The following KIF1B variants were observed in gnomAD, a reference collection of about 807,000 sequenced individuals.
KIF1B encodes the protein kinesin-like protein KIF1B.
A neutral mutation model predicts 241.9 loss-of-function variants in KIF1B; 76 were observed. The ratio of observed to expected loss-of-function variants is 0.31; its 90% CI spans 0.26 to 0.38. The LOEUF (loss-of-function observed/expected upper bound fraction) is 0.38, where lower values mean the gene tolerates loss of function less well. Ranked by LOEUF, KIF1B falls within the 10% of genes least tolerant of loss-of-function variation. KIF1B has a pLI of 1.00. For synonymous variants in KIF1B, 750 were observed against 796.7 expected (o/e 0.94, Z 0.99); for missense variants, 1,622 against 2,271.4 (o/e 0.71, Z 5.81).
At chr1:10,298,646 C>A (rs1438496921) in intron 22 of KIF1B, among the ~76,000 whole-genome samples, 10 of 152,048 alleles carry the variant, frequency 6.6e-5, no homozygotes, top group Admixed American at 6.6e-4. Context: ...TAATGTAGTA[C>A]ATTCTAATAA....
At chr1:10,307,895 T>C in intron 22 of KIF1B, 1 of 1,049,404 alleles carries the variant, frequency 9.5e-7, no homozygotes, top group East Asian at 5.5e-5. Context: ...ATTTTCTTTA[T>C]TCCTGCTTCT....
intron 15 of KIF1B, among the ~76,000 whole-genome samples, chr1:10,288,519 C>T (rs1339584337): frequency 1.3e-5 from 2 of 152,148 alleles, no homozygotes; most frequent in African/African-American, 4.8e-5. Context: ...TAATGAGAGC[C>T]ATTTCAGGTG....
At chr1:10,249,159 A>G (rs1647306213) in intron 2 of KIF1B, among the ~76,000 whole-genome samples, 1 of 152,198 alleles carries the variant, frequency 6.6e-6, no homozygotes, top group African/African-American at 2.4e-5. Context: ...CTTGTGGGTG[A>G]AAATATGGTT....
intron 18 of KIF1B, 21 bp downstream of exon 18, chr1:10,295,186 G>T: frequency 6.9e-7 from 1 of 1,454,712 alleles, no homozygotes; most frequent in East Asian, 2.3e-5. Context: ...TTCCTGTTTT[G>T]GTCACTTCGT....
At chr1:10,295,619 GTGTCTGAA>G (rs1650221917) in intron 18 of KIF1B, 33 bp from the exon 19 acceptor site, 2 of 1,553,030 alleles carry the variant, frequency 1.3e-6, no homozygotes, top group African/African-American at 1.4e-5. Context: ...AGTGCTTTCT[GTGTCTGAA>G]TTTCCCTGGG....
At chr1:10,250,382 A>G (rs967193073) in intron 2 of KIF1B, among the ~76,000 whole-genome samples, 1 of 147,684 alleles carries the variant, frequency 6.8e-6, no homozygotes, top group Non-Finnish European at 1.5e-5. Flanking sequence ...TCTGTTGCCC[A>G]GGGTGGGGTG....
chr1:10,283,760 A>G (rs759822423), intron 15 of KIF1B, among the ~76,000 whole-genome samples: 1 of 152,254 alleles, frequency 6.6e-6, no homozygotes, highest in Non-Finnish European at 1.5e-5. Flanking sequence ...CAGGGAGGAC[A>G]AAAAACACTT....
At chr1:10,266,149 C>T (rs1468668050) in intron 5 of KIF1B, among the ~76,000 whole-genome samples, 1 of 152,182 alleles carries the variant, frequency 6.6e-6, no homozygotes, top group Non-Finnish European at 1.5e-5. Context: ...ACTATCCTTA[C>T]AAGTTAAGAC....
At chr1:10,314,131 C>T (rs1175675713) in intron 22 of KIF1B, among the ~76,000 whole-genome samples, 1 of 151,496 alleles carries the variant, frequency 6.6e-6, no homozygotes, top group African/African-American at 2.5e-5. Flanking sequence ...ACTCACCCGC[C>T]TCGGCCTCCC....
chr1:10,305,331 C>T, intron 22 of KIF1B: 1 of 1,048,096 alleles, frequency 9.5e-7, no homozygotes, highest in Non-Finnish European at 1.2e-6. Context: ...TGAAATTTGT[C>T]ATATCAGAAT....
intron 22 of KIF1B, chr1:10,307,988 G>T: frequency 9.5e-7 from 1 of 1,056,410 alleles, no homozygotes; most frequent in Non-Finnish European, 1.1e-6. Context: ...GAAGTGACTT[G>T]AAGTGACCTT....
intron 1 of KIF1B, among the ~76,000 whole-genome samples, chr1:10,229,316 CA>C (rs969605020): frequency 6.6e-6 from 1 of 151,640 alleles, no homozygotes; most frequent in African/African-American, 2.4e-5. Context: ...ATTTAAAAAA[CA>C]AAAAAATCAG....
intron 3 of KIF1B, among the ~76,000 whole-genome samples, chr1:10,257,558 TC>T (rs1355030764): frequency 6.6e-6 from 1 of 152,078 alleles, no homozygotes; most frequent in Non-Finnish European, 1.5e-5. Context: ...GTAGGGCCCT[TC>T]CTGGTACCCT....
chr1:10,244,301 C>CT (rs113257444), intron 2 of KIF1B, among the ~76,000 whole-genome samples: 1 of 141,236 alleles, frequency 7.1e-6, no homozygotes, highest in Non-Finnish European at 1.5e-5. Context: ...TGCCATTTTT[C>CT]TTTTTTTTCT....
chr1:10,284,730 C>T (rs1649603466), intron 15 of KIF1B, among the ~76,000 whole-genome samples: 2 of 151,536 alleles, frequency 1.3e-5, no homozygotes, highest in South Asian at 4.2e-4. Flanking sequence ...GCCATGGTGA[C>T]GTGCATCTAT....
intron 5 of KIF1B, among the ~76,000 whole-genome samples, chr1:10,266,703 A>C (rs1021062390): frequency 2.0e-5 from 3 of 152,216 alleles, no homozygotes; most frequent in Non-Finnish European, 4.4e-5. Flanking sequence ...CCTCAATGCA[A>C]ATCCCAGTTA....
intron 45 of KIF1B, among the ~76,000 whole-genome samples, chr1:10,372,979 ATT>A (rs77889357): frequency 2.8e-5 from 4 of 144,840 alleles, no homozygotes; most frequent in Admixed American, 6.9e-5. Flanking sequence ...ATGCCCAGCT[ATT>A]TTTTTTTTTA....
At chr1:10,320,341 A>C (rs1473078166) in intron 23 of KIF1B, among the ~76,000 whole-genome samples, 2 of 152,160 alleles carry the variant, frequency 1.3e-5, no homozygotes, top group African/African-American at 4.8e-5. Flanking sequence ...GATGGGAGTG[A>C]TGGTGTTCTT....
chr1:10,343,434 G>C, intron 34 of KIF1B, 147 bp downstream of exon 34: 1 of 830,444 alleles, frequency 1.2e-6, no homozygotes, highest in Non-Finnish European at 2.0e-6. Flanking sequence ...GTATCTAGTA[G>C]GAACTAGAAT....
Sources: gnomAD v4.1 joint callset for allele counts (sites outside exome capture counted in the v4.1 genomes callset) on GRCh38, gnomAD v4.1.1 for gene constraint, MANE v1.5 for transcripts, NCBI Gene and HGNC (gene_info 2026-07-23, HGNC 2026-07-21) for gene names.